Variants in PPP4R3B observed in about 807,000 individuals in gnomAD.
PPP4R3B encodes the protein serine/threonine-protein phosphatase 4 regulatory subunit 3B.
In PPP4R3B, 52 loss-of-function variants were observed where a neutral mutation model predicts 95.4. The observed-to-expected ratio is 0.54, with a 90% CI of 0.44 to 0.69. The LOEUF (loss-of-function observed/expected upper bound fraction) is 0.69, where lower values mean the gene tolerates loss of function less well. Among genes scored for constraint, PPP4R3B ranks in the 30% least tolerant of loss-of-function variants. The probability of loss-of-function intolerance (pLI) is 0.00; values close to 1 mark genes in which losing one functional copy is unlikely to be tolerated. For synonymous variants in PPP4R3B, 407 were observed against 343.9 expected (o/e 1.18, Z -2.03); for missense variants, 1,003 against 1,005.9 (o/e 1.00, Z 0.04).
At chr2:55,578,180 A>T (rs1306391367) in intron 10 of PPP4R3B, 67 bp downstream of exon 10, 3 of 1,252,698 alleles carry the variant, frequency 2.4e-6, no homozygotes, top group Non-Finnish European at 3.0e-6. Flanking sequence ...AAGAAAAATA[A>T]TACCGTATAT....
At chr2:55,603,030 C>G (rs957969508) in intron 3 of PPP4R3B, among the ~76,000 whole-genome samples, 1 of 151,648 alleles carries the variant, frequency 6.6e-6, no homozygotes, top group Non-Finnish European at 1.5e-5. Context: ...TCTTGGCTCA[C>G]TGAAACCTCC....
At chr2:55,572,540 G>C (rs1336260682) in intron 12 of PPP4R3B, among the ~76,000 whole-genome samples, 1 of 152,156 alleles carries the variant, frequency 6.6e-6, no homozygotes, top group African/African-American at 2.4e-5. Context: ...TTCAGTATCA[G>C]ATTGATAACA....
In PPP4R3B at chr2:55,598,576, A is replaced by T; in HGVS notation, c.761T>A (p.Ile254Lys). The stretch of plus-strand genomic sequence containing the variant: ...TTTTTGCCTTAGTTCAGAGTCTGTT[A>T]TTGGTATAACTTCCTTGAACTTTGC... The part of the protein sequence containing the change: ...KTAKFKEVIP[I>K]TDSELRQKIH... Residue 254 changes from isoleucine to lysine, a missense_variant, in exon 4 of 17, where the codon ATA becomes AAA. Around this residue, in one of 3 missense-constraint regions of PPP4R3B, gnomAD observed 695 missense variants for 686.2 expected, o/e 1.01. Transcript: ENST00000616407. 6.2e-7 allele frequency: 1 copy of T among 1,614,164 alleles called. No individual in the cohort carries two copies.
chr2:55,558,488 G>C (rs368632412), intron 16 of PPP4R3B, among the ~76,000 whole-genome samples: 37 of 152,156 alleles, frequency 2.4e-4, no homozygotes, highest in African/African-American at 8.4e-4. Flanking sequence ...CGCGCCTGTA[G>C]TCCCAGCTAC....
At chr2:55,615,551 C>T (rs764143733) in intron 1 of PPP4R3B, 45 bp from the exon 2 acceptor site, 1 of 1,384,120 alleles carries the variant, frequency 7.2e-7, no homozygotes, top group South Asian at 1.2e-5. Context: ...AATGATAAAA[C>T]CCTGAATAAA....
chr2:55,616,069 A>G (rs911597860), intron 1 of PPP4R3B, among the ~76,000 whole-genome samples: 2 of 151,630 alleles, frequency 1.3e-5, no homozygotes, highest in Non-Finnish European at 1.5e-5. Context: ...CCAACAATCA[A>G]ACCAAGGAAT....
intron 4 of PPP4R3B, among the ~76,000 whole-genome samples, chr2:55,596,129 T>C (rs1691746294): frequency 6.6e-6 from 1 of 152,092 alleles, no homozygotes; most frequent in Non-Finnish European, 1.5e-5. Flanking sequence ...ACAGTATCTC[T>C]CAAAATGGAA....
At chr2:55,616,941 T>C (rs1695033361) in intron 1 of PPP4R3B, among the ~76,000 whole-genome samples, 1 of 151,964 alleles carries the variant, frequency 6.6e-6, no homozygotes, top group Admixed American at 6.6e-5. Context: ...TTAAGAGAGA[T>C]GGGAGAAGGA....
chr2:55,582,787 A>G (rs1419429840), intron 7 of PPP4R3B, among the ~76,000 whole-genome samples: 5 of 152,316 alleles, frequency 3.3e-5, no homozygotes, highest in Admixed American at 6.5e-5. Flanking sequence ...ATATCTAAAA[A>G]ATTAACCTAA....
At chr2:55,553,940 T>C (rs532340216) in intron 16 of PPP4R3B, among the ~76,000 whole-genome samples, 20 of 151,204 alleles carry the variant, frequency 1.3e-4, no homozygotes, top group Admixed American at 1.0e-3. Context: ...AGTGGACACA[T>C]GTTTTCAATT....
intron 12 of PPP4R3B, 24 bp downstream of exon 12, chr2:55,573,595 C>G (rs923473346): frequency 2.0e-6 from 3 of 1,515,618 alleles, no homozygotes; most frequent in Non-Finnish European, 2.6e-6. Flanking sequence ...AAAAATGTTG[C>G]TCCTTAAAAC....
At chr2:55,596,092 C>T (rs978725679) in intron 4 of PPP4R3B, among the ~76,000 whole-genome samples, 3 of 152,010 alleles carry the variant, frequency 2.0e-5, no homozygotes, top group African/African-American at 7.3e-5. Context: ...AGCAAATAGC[C>T]ACATACTCGT....
chr2:55,549,788 T>C lies in PPP4R3B; in HGVS notation c.*123A>G, dbSNP rs1428317766. 5.3e-6 allele frequency: 4 copies of C among 755,372 alleles called. No homozygotes were observed. In the East Asian group the frequency reaches 8.0e-5, roughly 15 times the overall value. 46.8% of individuals were successfully genotyped at this position (755,372 alleles called of 1,614,324 possible). A position where few individuals can be genotyped will look rare whatever the true frequency, so the allele number is the denominator to read the frequency against. On this transcript the variant is annotated 3_prime_UTR_variant, in exon 17 of 17. Transcript: ENST00000616407. ...CTAAACTCTCTTAGCTGATATACTG[T>C]CTTTTGCTACTCCTTGTATATTTTA...
At chr2:55,574,222 A>C (rs1295002756) in intron 11 of PPP4R3B, among the ~76,000 whole-genome samples, 1 of 151,592 alleles carries the variant, frequency 6.6e-6, no homozygotes, top group Non-Finnish European at 1.5e-5. Flanking sequence ...TCCATTTAAA[A>C]GGCTGTAGAT....
chr2:55,556,844 C>T (rs559243607), intron 16 of PPP4R3B, among the ~76,000 whole-genome samples: 1 of 152,104 alleles, frequency 6.6e-6, no homozygotes, highest in Admixed American at 6.5e-5. Context: ...AGCAGGACTG[C>T]TTGAGACCAG....
At chr2:55,589,884 C>A (rs1421797040) in intron 4 of PPP4R3B, among the ~76,000 whole-genome samples, 5 of 141,376 alleles carry the variant, frequency 3.5e-5, no homozygotes, top group Non-Finnish European at 7.6e-5. Flanking sequence ...CCACTGTATT[C>A]CAGCCTGGAC....
At chr2:55,590,684 T>A (rs1360219108) in intron 4 of PPP4R3B, among the ~76,000 whole-genome samples, 1 of 152,216 alleles carries the variant, frequency 6.6e-6, no homozygotes, top group Non-Finnish European at 1.5e-5. Context: ...TTCCATTAAT[T>A]TAAAGTAACA....
At chr2:55,580,969 T>C (rs962347820) in intron 8 of PPP4R3B, among the ~76,000 whole-genome samples, 1 of 152,180 alleles carries the variant, frequency 6.6e-6, no homozygotes, top group Non-Finnish European at 1.5e-5. Context: ...TAAAAATGTA[T>C]TGGCCGGGCA....
In PPP4R3B at chr2:55,591,592, T is replaced by C. The variant is rs993959204; in HGVS notation, c.922-2636A>G. The C allele has an allele frequency of 1.0e-5, 10 of 983,572 alleles. No homozygotes were observed. The African/African-American group carries it at 1.6e-4, about 15-fold the overall frequency. The allele number at this position is 983,572 out of a possible 1,614,324, so 60.9% of individuals were successfully genotyped here. A position where few individuals can be genotyped will look rare whatever the true frequency, so the allele number is the denominator to read the frequency against. ...CTTTACTACCTGAAAATTTAATTTT[T>C]TCAAAATATTTTCATAAGAAAAAAG... is the stretch of plus-strand genomic sequence containing the variant. On this transcript the variant is annotated intron_variant, in intron 4 of 16. Coordinates refer to ENST00000616407, the MANE Select transcript of PPP4R3B (RefSeq NM_001122964.3).
Sources: gnomAD v4.1 joint callset for allele counts (sites outside exome capture counted in the v4.1 genomes callset) on GRCh38, gnomAD v4.1.1 for gene constraint, gnomAD v4.1.1 regional missense constraint, MANE v1.5 for transcripts, NCBI Gene and HGNC (gene_info 2026-07-23, HGNC 2026-07-21) for gene names.